Variants in HEATR5A observed in about 807,000 individuals in gnomAD.
HEATR5A encodes the protein HEAT repeat-containing protein 5A.
In HEATR5A, 178 loss-of-function variants were observed where a neutral mutation model predicts 218.8. The observed-to-expected ratio is 0.81, with a 90% CI of 0.72 to 0.92. The LOEUF (loss-of-function observed/expected upper bound fraction) is 0.92. Ranked by LOEUF, HEATR5A falls within the 40% of genes least tolerant of loss-of-function variation. HEATR5A has a pLI of 0.00. For synonymous variants in HEATR5A, 864 were observed against 871.6 expected, an observed-to-expected ratio of 0.99 and a Z score of 0.15; for missense variants, 2,420 against 2,418.9, an observed-to-expected ratio of 1.00 and a Z score of -0.01.
Position 31,371,869 on chromosome 14 carries a change from A to T in HEATR5A, c.1902T>A (p.Thr634=). ...SFVSHCGDLL[T]EEVTQRLLPP... The stretch of plus-strand genomic sequence containing the variant: ...GAAGAAGACGCTGAGTTACTTCCTC[A>T]GTAAGAAGATCACCACAGTGGGAAA... The change falls in exon 13 of 36, where the codon ACT becomes ACA. Residue 634 remains threonine (T), a synonymous_variant. Coordinates refer to ENST00000543095, the MANE Select transcript of HEATR5A (RefSeq NM_015473.4). The T allele has an allele frequency of 6.4e-7, 1 of 1,553,190 alleles. No homozygotes were observed. Among genetic ancestry groups the T allele is most frequent in the African/African-American group, 1.4e-5 (1 of 73,352 alleles).
chr14:31,344,507 T>C (rs1900958643), intron 20 of HEATR5A, among the ~76,000 whole-genome samples: 1 of 36,428 alleles, frequency 2.7e-5, no homozygotes, highest in Non-Finnish European at 1.2e-4. Flanking sequence ...CTCGAACTCC[T>C]GACCCGATTC....
At chr14:31,401,603 A>G (rs2030880805) in intron 2 of HEATR5A, among the ~76,000 whole-genome samples, 2 of 152,226 alleles carry the variant, frequency 1.3e-5, no homozygotes, top group African/African-American at 4.8e-5. Flanking sequence ...GTGCTACACT[A>G]CAGCCTCAAA....
At chr14:31,350,836 G>A in intron 16 of HEATR5A, 119 bp from the exon 17 acceptor site, 2 of 618,176 alleles carry the variant, frequency 3.2e-6, no homozygotes, top group Non-Finnish European at 5.7e-6. Flanking sequence ...AGAGTATACT[G>A]GCACCATCTC....
intron 33 of HEATR5A, among the ~76,000 whole-genome samples, chr14:31,298,219 T>C (rs1460059035): frequency 2.0e-5 from 3 of 152,134 alleles, no homozygotes; most frequent in African/African-American, 4.8e-5. Context: ...CCTGGACCCA[T>C]AGAAACTGTC....
At chr14:31,395,958 T>C (rs2030637160) in intron 4 of HEATR5A, among the ~76,000 whole-genome samples, 1 of 152,240 alleles carries the variant, frequency 6.6e-6, no homozygotes, top group Non-Finnish European at 1.5e-5. Context: ...AGTAACTTTG[T>C]GACTTTAAAT....
intron 16 of HEATR5A, 30 bp downstream of exon 16, chr14:31,358,607 T>C (rs1401238590): frequency 1.3e-6 from 2 of 1,589,738 alleles, no homozygotes; most frequent in Non-Finnish European, 1.7e-6. Context: ...TTCTCTATTA[T>C]CCATTCACTG....
chr14:31,391,728 T>G (rs1387942296), intron 6 of HEATR5A, among the ~76,000 whole-genome samples: 1 of 152,200 alleles, frequency 6.6e-6, no homozygotes, highest in Non-Finnish European at 1.5e-5. Flanking sequence ...CCATTTCTTA[T>G]CTTTTATATC....
At chr14:31,358,288 A>C (rs1238368752) in intron 16 of HEATR5A, among the ~76,000 whole-genome samples, 1 of 152,168 alleles carries the variant, frequency 6.6e-6, no homozygotes, top group African/African-American at 2.4e-5. Context: ...TGGTTCCAAA[A>C]AATTTCCAAG....
At chr14:31,363,850 T>C (rs1358870698) in intron 14 of HEATR5A, among the ~76,000 whole-genome samples, 1 of 151,992 alleles carries the variant, frequency 6.6e-6, no homozygotes, top group Non-Finnish European at 1.5e-5. Context: ...AGCGTGGTGG[T>C]GTGCCTGTAG....
intron 10 of HEATR5A, among the ~76,000 whole-genome samples, chr14:31,382,172 A>G (rs2030017597): frequency 1.3e-5 from 2 of 152,250 alleles, no homozygotes; most frequent in African/African-American, 2.4e-5. Context: ...ATGAGATATG[A>G]GAATAGGTTT....
At position 31,364,290 on chromosome 14, in the gene HEATR5A, G is replaced by C; in HGVS notation, c.1970C>G (p.Ser657Ter). 6.7e-7 allele frequency: 1 copy of C among 1,503,470 alleles called. No individual in the cohort carries two copies. The highest frequency in any genetic ancestry group is 9.0e-7 in the Non-Finnish European group (1 of 1,110,316). The allele number at this position is 1,503,470 out of a possible 1,614,324, so 93.1% of individuals were successfully genotyped here. A position where few individuals can be genotyped will look rare whatever the true frequency, so the allele number is the denominator to read the frequency against. ...AGGACTTCCATACATTTTTAGTATT[G>C]AAGAAAGCCTTAAAATAAAAGAAAA... The part of the protein sequence containing the change: ...CAVDLLTQLS[S>*]ILKMYGSPLK... The change falls in exon 14 of 36, where the codon TCA becomes TGA. Residue 657 changes from serine to a stop codon, truncating the protein, a stop_gained. Transcript: ENST00000543095. LOFTEE classifies it high-confidence loss of function.
intron 33 of HEATR5A, among the ~76,000 whole-genome samples, chr14:31,299,424 T>A (rs965871598): frequency 6.6e-6 from 1 of 152,152 alleles, no homozygotes; most frequent in African/African-American, 2.4e-5. Flanking sequence ...CTTTCCTTTT[T>A]AAAACCCTTT....
chr14:31,410,338 G>A (rs1161094867), intron 1 of HEATR5A, among the ~76,000 whole-genome samples: 1 of 152,056 alleles, frequency 6.6e-6, no homozygotes, highest in Non-Finnish European at 1.5e-5. Context: ...CACAATTCAA[G>A]AAACACAGAT....
At chr14:31,299,814 C>T (rs1053453081) in intron 33 of HEATR5A, among the ~76,000 whole-genome samples, 1 of 147,364 alleles carries the variant, frequency 6.8e-6, no homozygotes, top group Non-Finnish European at 1.5e-5. Flanking sequence ...AGGCGGATCA[C>T]GAGGTCAGGA....
At position 31,315,849 on chromosome 14, in the gene HEATR5A, C is replaced by G; in HGVS notation, c.4139G>C (p.Gly1380Ala). ...ATATAAGTGACTTAGAGCTTCTTTT[C>G]CAGCCTGTATTTTAGTTAACGATGA... ...LVSSLTKIQA[G>A]KEALSHLYNE... Residue 1380 changes from glycine to alanine, a missense_variant, in exon 27 of 36, where the codon GGA (glycine) becomes GCA (alanine). Gly to Ala is a moderately conservative substitution (Grantham distance 60). Transcript: ENST00000543095. The G allele has an allele frequency of 1.2e-6, 2 of 1,612,120 alleles. No homozygotes were observed. Among genetic ancestry groups the G allele is most frequent in the Non-Finnish European group, 1.7e-6 (2 of 1,179,050 alleles).
At position 31,344,268 on chromosome 14, in the gene HEATR5A, C is replaced by CTTTTTTTTTTTTTT. The variant is rs577497140; in HGVS notation, c.3059-217_3059-204dup. Reference sequence around the variant, plus strand: ...GTTACAGATTGTTAGATTAGTTATTCTTTTTTTTTTTTTTTTTTTTTTTTT... The same window carrying CTTTTTTTTTTTTTT: ...GTTACAGATTGTTAGATTAGTTATTCTTTTTTTTTTTTTTTTTTTTTTTTTTTTTTTTTTTTTTT... On this transcript the variant is annotated intron_variant, in intron 20 of 35. Transcript: ENST00000543095. Among the ~76,000 whole-genome samples, 122 of 50,828 alleles carry CTTTTTTTTTTTTTT rather than the reference C, an allele frequency of 2.4e-3. 32 individuals carry two copies. The highest frequency in any genetic ancestry group is 4.5e-3 in the East Asian group (6 of 1,340). The allele number at this position is 50,828 out of a possible 152,430, so 33.3% of individuals were successfully genotyped here. A position where few individuals can be genotyped will look rare whatever the true frequency, so the allele number is the denominator to read the frequency against.
Position 31,402,925 on chromosome 14 carries a change from T to C in HEATR5A, c.51A>G (p.Leu17=). 1 of 1,536,210 alleles carries C rather than the reference T, an allele frequency of 6.5e-7. No homozygotes were observed. The highest frequency in any genetic ancestry group is 8.7e-7 in the Non-Finnish European group (1 of 1,146,792). Residue 17 remains leucine, a synonymous_variant, in exon 2 of 36, where the codon CTA becomes CTG. Transcript: ENST00000543095. ...LLLNEEAYNQ[L]GEVQKAEFIF... The stretch of plus-strand genomic sequence containing the variant: ...TAAACTCTGCCTTCTGAACTTCACC[T>C]AGTTGATTGTATGCTTCTTCATTCA...
At position 31,304,961 on chromosome 14, in the gene HEATR5A, A is replaced by G; in HGVS notation, c.5183T>C (p.Leu1728Ser). 1 of 1,613,984 alleles carries G rather than the reference A, an allele frequency of 6.2e-7. No individual in the cohort carries two copies. Among genetic ancestry groups the G allele is most frequent in the Non-Finnish European group, 8.5e-7 (1 of 1,179,894 alleles). ...PQILLEDGSR[L>S]VSAALVILSE... The stretch of plus-strand genomic sequence containing the variant: ...AAGGATAACCAATGCAGCTGAAACC[A>G]ATCTACTTCCATCTTCTAATAGTAT... The change falls in exon 32 of 36, where the codon TTG becomes TCG. Residue 1728 changes from leucine to serine, a missense_variant. Physicochemically the swap from Leu to Ser is moderately radical, Grantham distance 145. Coordinates refer to ENST00000543095, the MANE Select transcript of HEATR5A (RefSeq NM_015473.4).
At chr14:31,324,770 T>C (rs907800224) in intron 23 of HEATR5A, among the ~76,000 whole-genome samples, 1 of 151,796 alleles carries the variant, frequency 6.6e-6, no homozygotes, top group African/African-American at 2.4e-5. Context: ...TCAGGCGACA[T>C]TTTCTTTTAA....
Sources: gnomAD v4.1 joint callset for allele counts (sites outside exome capture counted in the v4.1 genomes callset) on GRCh38, gnomAD v4.1.1 for gene constraint, MANE v1.5 for transcripts, NCBI Gene and HGNC (gene_info 2026-07-23, HGNC 2026-07-21) for gene names.